NASP: variants seen among roughly 807,000 people sequenced by gnomAD.
The protein encoded by NASP is NASP histone chaperone.
In NASP, 24 loss-of-function variants were observed where a neutral mutation model predicts 89.5. The observed-to-expected ratio is 0.27, with a 90% CI of 0.19 to 0.38. The LOEUF (loss-of-function observed/expected upper bound fraction) is 0.38, where lower values mean the gene tolerates loss of function less well. Among genes scored for constraint, NASP ranks in the 10% least tolerant of loss-of-function variants. The pLI is 1.00. For synonymous variants in NASP, 306 were observed against 324.7 expected (o/e 0.94, Z 0.62); for missense variants, 848 against 921.4 (o/e 0.92, Z 1.03).
At chr1:45,590,533 G>T (rs1366381044) in intron 1 of NASP, among the ~76,000 whole-genome samples, 1 of 138,234 alleles carries the variant, frequency 7.2e-6, no homozygotes, top group African/African-American at 2.7e-5. Flanking sequence ...CTGGGCGACA[G>T]AGCAAGACTC....
intron 1 of NASP, among the ~76,000 whole-genome samples, chr1:45,584,409 G>T (rs968018851): frequency 4.6e-5 from 7 of 152,206 alleles, no homozygotes; most frequent in African/African-American, 1.4e-4. Flanking sequence ...CGGTCGGCTG[G>T]CGCCCCCTGC....
Position 45,606,784 on chromosome 1 carries a change from A to G in NASP, c.409+193A>G, listed in dbSNP as rs1296219118. ...TGACAGCAGATTTTTGAAAGAGAATAACTTATTTTCTCAAGTAAATCCAGT... is the reference window on the plus strand; with the variant it reads ...TGACAGCAGATTTTTGAAAGAGAATGACTTATTTTCTCAAGTAAATCCAGT... On this transcript the variant is annotated intron_variant, in intron 5 of 14. Transcript: ENST00000350030. 5 of 457,422 alleles carry G rather than the reference A, an allele frequency of 1.1e-5. No individual in the cohort carries two copies. The East Asian group carries it at 1.8e-4, about 16-fold the overall frequency. The allele number at this position is 457,422 out of a possible 1,614,324, so 28.3% of individuals were successfully genotyped here. A position where few individuals can be genotyped will look rare whatever the true frequency, so the allele number is the denominator to read the frequency against.
In NASP at chr1:45,618,694, A is replaced by C. The variant is rs1644151615; in HGVS notation, c.*553A>C. The C allele has an allele frequency of 6.5e-6, 1 of 153,974 alleles. No homozygotes were observed. The highest frequency in any genetic ancestry group is 2.4e-5 in the African/African-American group (1 of 41,472). 9.5% of individuals were successfully genotyped at this position (153,974 alleles called of 1,614,324 possible). A position where few individuals can be genotyped will look rare whatever the true frequency, so the allele number is the denominator to read the frequency against. The stretch of plus-strand genomic sequence containing the variant: ...GGGTCAGGGGAATGATTCCTAAGGA[A>C]AACGGTCTGCATTTGAGCTCTGGTT... On this transcript the variant is annotated 3_prime_UTR_variant, in exon 15 of 15. Transcript: ENST00000350030.
chr1:45,604,796 C>T (rs1643888585), intron 3 of NASP, 140 bp from the exon 4 acceptor site: 1 of 631,540 alleles, frequency 1.6e-6, no homozygotes, highest in Middle Eastern at 4.4e-4. Flanking sequence ...TTTAATGTCA[C>T]TTTGACCTTG....
chr1:45,606,418 T>C (rs1643909022), intron 4 of NASP, 64 bp from the exon 5 acceptor site: 1 of 1,151,734 alleles, frequency 8.7e-7, no homozygotes, highest in Admixed American at 1.8e-5. Context: ...CTGTATTTTC[T>C]GTCTTAGAAA....
chr1:45,595,748 A>G (rs1276488591), intron 2 of NASP, among the ~76,000 whole-genome samples: 3 of 152,248 alleles, frequency 2.0e-5, no homozygotes, highest in Admixed American at 2.0e-4. Context: ...CTTCACTTAG[A>G]AAATGTCCAT....
At chr1:45,611,639 T>A (rs1644012858) in intron 6 of NASP, 1 of 151,250 alleles carries the variant, frequency 6.6e-6, no homozygotes, top group African/African-American at 2.4e-5. Context: ...GCTAATTTTT[T>A]GTATTTTTAG....
intron 13 of NASP, chr1:45,617,259 G>T: frequency 1.9e-6 from 1 of 524,880 alleles, no homozygotes; most frequent in Non-Finnish European, 3.3e-6. Flanking sequence ...TTCCGGTAGA[G>T]GGGCCTGAAG....
intron 11 of NASP, among the ~76,000 whole-genome samples, chr1:45,615,996 A>G (rs1287213788): frequency 6.6e-6 from 1 of 152,256 alleles, no homozygotes; most frequent in African/African-American, 2.4e-5. Flanking sequence ...TAAAAAATGT[A>G]AGTTGCTATT....
At chr1:45,606,937 T>C (rs530469042) in intron 5 of NASP, among the ~76,000 whole-genome samples, 1 of 152,272 alleles carries the variant, frequency 6.6e-6, no homozygotes, top group Admixed American at 6.5e-5. Flanking sequence ...GTTCAGTTAT[T>C]TTAATAGCAG....
chr1:45,617,248 C>T (rs1644122657), intron 13 of NASP: 1 of 502,388 alleles, frequency 2.0e-6, no homozygotes, highest in Non-Finnish European at 3.5e-6. Context: ...TCTCCCTGTG[C>T]TTCCGGTAGA....
At chr1:45,614,243 A>T (rs766148275) in intron 8 of NASP, 50 bp from the exon 9 acceptor site, 31 of 1,590,946 alleles carry the variant, frequency 1.9e-5, no homozygotes, top group Non-Finnish European at 2.6e-5. Context: ...GAAACCAGTT[A>T]GGGTTAGACA....
chr1:45,585,193 G>A (rs1644514227), intron 1 of NASP, among the ~76,000 whole-genome samples: 1 of 152,162 alleles, frequency 6.6e-6, no homozygotes, highest in Non-Finnish European at 1.5e-5. Context: ...AAGGAAACAA[G>A]TGCTGTTTCC....
chr1:45,604,238 AC>A (rs1254816505), intron 3 of NASP, among the ~76,000 whole-genome samples: 1 of 152,188 alleles, frequency 6.6e-6, no homozygotes, highest in Non-Finnish European at 1.5e-5. Context: ...CAGTCTTCTT[AC>A]CTTACATAGA....
intron 2 of NASP, among the ~76,000 whole-genome samples, chr1:45,601,078 C>G (rs1213511055): frequency 1.3e-5 from 2 of 152,044 alleles, no homozygotes; most frequent in African/African-American, 2.4e-5. Context: ...AGTCCTTTAT[C>G]AGAAGTTTTG....
At chr1:45,592,177 G>A (rs567678548) in intron 2 of NASP, among the ~76,000 whole-genome samples, 1 of 152,290 alleles carries the variant, frequency 6.6e-6, no homozygotes, top group South Asian at 2.1e-4. Flanking sequence ...TAGAGATGGG[G>A]TTTCACCATG....
rs1557647822 is a variant in NASP at position 45,587,676 on chromosome 1, AT to A, written c.59+3472del. On this transcript the variant is annotated intron_variant, in intron 1 of 14. Transcript: ENST00000350030. ...TGAGTTTTTTCATATATATATATAT[AT>A]ATATATATATAATTAATTTTTTGGA... Among the ~76,000 whole-genome samples, 14 of 82,466 alleles carry A rather than the reference AT, an allele frequency of 1.7e-4. 1 individual carries two copies. The highest frequency in any genetic ancestry group is 2.9e-4 in the African/African-American group (6 of 20,786). The allele number at this position is 82,466 out of a possible 152,430, so 54.1% of individuals were successfully genotyped here.
chr1:45,611,946 C>T (rs1644021256), intron 6 of NASP: 2 of 150,024 alleles, frequency 1.3e-5, no homozygotes, highest in South Asian at 2.1e-4. Context: ...CTGCAAGCTC[C>T]ACCTCCTGGG....
intron 4 of NASP, 40 bp from the exon 5 acceptor site, chr1:45,606,442 C>G (rs1643909469): frequency 6.8e-7 from 1 of 1,470,008 alleles, no homozygotes; most frequent in Non-Finnish European, 9.5e-7. Flanking sequence ...TTGCTAGGTT[C>G]TAGCCATCAA....
Sources: allele counts gnomAD v4.1 joint callset (sites outside exome capture counted in the v4.1 genomes callset), GRCh38; gene constraint gnomAD v4.1.1; transcripts MANE v1.5; gene names NCBI Gene and HGNC (gene_info 2026-07-23, HGNC 2026-07-21).